ENTREP2: variants seen among roughly 807,000 people sequenced by gnomAD.
The protein encoded by ENTREP2 is endosomal transmembrane epsin interactor 2.
the ENTREP2 span, among the ~76,000 whole-genome samples, chr15:29,497,310 A>G: frequency 6.6e-6 from 1 of 151,866 alleles, no homozygotes; most frequent in African/African-American, 2.4e-5. Flanking sequence ...TTTCTCTTCA[A>G]TTTTTTTTGG....
At chr15:29,289,417 G>A in the ENTREP2 span, among the ~76,000 whole-genome samples, 1 of 152,054 alleles carries the variant, frequency 6.6e-6, no homozygotes, top group Admixed American at 6.6e-5. Flanking sequence ...TCAAGTGCGG[G>A]TGATAATGGG....
the ENTREP2 span, among the ~76,000 whole-genome samples, chr15:29,180,578 C>T: frequency 6.6e-5 from 10 of 152,020 alleles, no homozygotes; most frequent in South Asian, 2.1e-4. Flanking sequence ...GTAGGAGAAT[C>T]GCTTGAACCC....
chr15:29,568,838 G>A, the ENTREP2 span, among the ~76,000 whole-genome samples: 4 of 151,970 alleles, frequency 2.6e-5, no homozygotes, highest in Admixed American at 2.0e-4. Context: ...AGGGGATGAT[G>A]TGCATTTTTC....
At chr15:29,571,067 C>A in the ENTREP2 span, among the ~76,000 whole-genome samples, 4 of 147,846 alleles carry the variant, frequency 2.7e-5, no homozygotes, top group African/African-American at 1.0e-4. Flanking sequence ...CGCTGCCGTC[C>A]CCGGGCGCGA....
chr15:29,615,251 G>A, the ENTREP2 span, among the ~76,000 whole-genome samples: 122 of 151,978 alleles, frequency 8.0e-4, no homozygotes, highest in Admixed American at 3.0e-3. Flanking sequence ...TGCCTTCCGG[G>A]TTCAAGCGAT....
At chr15:29,403,433 T>C in the ENTREP2 span, among the ~76,000 whole-genome samples, 2 of 152,142 alleles carry the variant, frequency 1.3e-5, no homozygotes, top group African/African-American at 2.4e-5. Flanking sequence ...CATGGCACAA[T>C]AATAAAAACA....
At chr15:29,319,486 A>G in the ENTREP2 span, among the ~76,000 whole-genome samples, 5 of 152,218 alleles carry the variant, frequency 3.3e-5, no homozygotes, top group African/African-American at 9.6e-5. Context: ...GGACTAGGGA[A>G]GCGGAGATGC....
chr15:29,127,735 G>A, the ENTREP2 span, among the ~76,000 whole-genome samples: 316 of 152,284 alleles, frequency 2.1e-3, no homozygotes, highest in South Asian at 5.4e-3. Context: ...TGAATTCTGG[G>A]TGAGGAGCAC....
At chr15:29,466,514 G>C in the ENTREP2 span, among the ~76,000 whole-genome samples, 1 of 146,030 alleles carries the variant, frequency 6.8e-6, no homozygotes, top group African/African-American at 2.6e-5. Flanking sequence ...CCTGGGAAGA[G>C]CCGAGGAGAG....
the ENTREP2 span, among the ~76,000 whole-genome samples, chr15:29,425,816 T>C: frequency 6.6e-6 from 1 of 152,016 alleles, no homozygotes; most frequent in South Asian, 2.1e-4. Flanking sequence ...CTATAGTCTC[T>C]ATGCAACATG....
chr15:29,193,338 G>C, the ENTREP2 span, among the ~76,000 whole-genome samples: 1 of 152,278 alleles, frequency 6.6e-6, no homozygotes, highest in South Asian at 2.1e-4. Flanking sequence ...GACCTGGATA[G>C]AACAAAAAGG....
the ENTREP2 span, among the ~76,000 whole-genome samples, chr15:29,271,717 T>C: frequency 6.6e-6 from 1 of 152,104 alleles, no homozygotes; most frequent in Non-Finnish European, 1.5e-5. Context: ...AAATCTTTAG[T>C]GTTGTGAGCT....
chr15:29,491,608 A>C, the ENTREP2 span, among the ~76,000 whole-genome samples: 1 of 152,188 alleles, frequency 6.6e-6, no homozygotes, highest in African/African-American at 2.4e-5. Context: ...AAATCTCAGG[A>C]AGTTTCACAC....
the ENTREP2 span, among the ~76,000 whole-genome samples, chr15:29,622,893 C>T: frequency 1.3e-5 from 2 of 152,130 alleles, no homozygotes; most frequent in African/African-American, 2.4e-5. Flanking sequence ...GAGGCTGAGG[C>T]TTGTCATAGT....
At chr15:29,248,391 T>C in the ENTREP2 span, among the ~76,000 whole-genome samples, 1 of 152,242 alleles carries the variant, frequency 6.6e-6, no homozygotes, top group East Asian at 1.9e-4. Context: ...TCTACTTTTC[T>C]GACAAAAATT....
the ENTREP2 span, among the ~76,000 whole-genome samples, chr15:29,552,165 T>C: frequency 3.3e-5 from 5 of 152,070 alleles, no homozygotes; most frequent in Admixed American, 3.3e-4. Flanking sequence ...CTAAAATTCA[T>C]AAACCTAGAA....
chr15:29,603,770 C>A, the ENTREP2 span, among the ~76,000 whole-genome samples: 1 of 152,246 alleles, frequency 6.6e-6, no homozygotes, highest in South Asian at 2.1e-4. Context: ...TCCCGAGTAG[C>A]TGGGATTATA....
the ENTREP2 span, among the ~76,000 whole-genome samples, chr15:29,476,245 G>A: frequency 6.6e-6 from 1 of 152,182 alleles, no homozygotes; most frequent in African/African-American, 2.4e-5. Flanking sequence ...GCGTGGAAAA[G>A]CATTTTGTGT....
the ENTREP2 span, among the ~76,000 whole-genome samples, chr15:29,429,233 C>CCA: frequency 4.0e-5 from 6 of 150,104 alleles, no homozygotes; most frequent in East Asian, 1.9e-4. Context: ...ATCCATCCAT[C>CCA]TATCTTGAGA....
Sources: allele counts gnomAD v4.1 joint callset (sites outside exome capture counted in the v4.1 genomes callset), GRCh38; gene constraint gnomAD v4.1.1; transcripts MANE v1.5; gene names NCBI Gene and HGNC (gene_info 2026-07-23, HGNC 2026-07-21).